TMEM232: variants seen among roughly 807,000 people sequenced by gnomAD.
TMEM232 encodes the protein transmembrane protein 232.
TMEM232 carries 80 observed loss-of-function variants against 78.8 expected under a neutral mutation model. The observed-to-expected ratio is 1.01, with a 90% CI of 0.85 to 1.22. The LOEUF (loss-of-function observed/expected upper bound fraction) is 1.22. Among genes scored for constraint, TMEM232 ranks in the 50% most tolerant of loss-of-function variants. The probability of loss-of-function intolerance (pLI) is 0.00; values close to 1 mark genes in which losing one functional copy is unlikely to be tolerated. For synonymous variants in TMEM232, 297 were observed against 254.3 expected (o/e 1.17, Z -1.60); for missense variants, 881 against 742.2 (o/e 1.19, Z -2.17).
chr5:110,664,971 T>C (rs1790368754), intron 2 of TMEM232, among the ~76,000 whole-genome samples: 1 of 152,218 alleles, frequency 6.6e-6, no homozygotes, highest in Non-Finnish European at 1.5e-5. Flanking sequence ...TATATGTTAC[T>C]ATCTGGTTTG....
intron 5 of TMEM232, among the ~76,000 whole-genome samples, chr5:110,628,186 A>G (rs1316048946): frequency 1.3e-5 from 2 of 152,118 alleles, no homozygotes; most frequent in African/African-American, 4.8e-5. Flanking sequence ...TAAGTGAGTC[A>G]TGAAATCAAT....
chr5:110,542,348 C>T (rs1213140999), intron 11 of TMEM232, among the ~76,000 whole-genome samples: 1 of 152,060 alleles, frequency 6.6e-6, no homozygotes, highest in Non-Finnish European at 1.5e-5. Context: ...ACAAACATTC[C>T]TTACAGCATA....
chr5:110,682,895 T>C (rs1167917710), intron 1 of TMEM232, among the ~76,000 whole-genome samples: 1 of 152,104 alleles, frequency 6.6e-6, no homozygotes, highest in Non-Finnish European at 1.5e-5. Flanking sequence ...ACATTTGGCT[T>C]TTCTCCCTCT....
chr5:110,414,580 T>C (rs1756118262), downstream of TMEM232, among the ~76,000 whole-genome samples: 1 of 152,202 alleles, frequency 6.6e-6, no homozygotes, highest in Non-Finnish European at 1.5e-5. Flanking sequence ...CTCATGAGGC[T>C]CCCTCTGCTG....
intron 12 of TMEM232, among the ~76,000 whole-genome samples, chr5:110,436,314 TTTC>T (rs1404214840): frequency 6.6e-6 from 1 of 152,088 alleles, no homozygotes; most frequent in Non-Finnish European, 1.5e-5. Context: ...TATTGGAATT[TTTC>T]TATAGAGTTG....
At chr5:110,677,388 G>C (rs1792160702) in intron 1 of TMEM232, among the ~76,000 whole-genome samples, 1 of 152,008 alleles carries the variant, frequency 6.6e-6, no homozygotes, top group African/African-American at 2.4e-5. Flanking sequence ...AGCTGAATCT[G>C]CCTGGATTTG....
intron 12 of TMEM232, among the ~76,000 whole-genome samples, chr5:110,521,768 C>A (rs1769551691): frequency 6.6e-6 from 1 of 152,074 alleles, no homozygotes; most frequent in African/African-American, 2.4e-5. Context: ...CCATTTATTT[C>A]TGGTCATGAA....
At chr5:110,721,877 C>T (rs916117957) in intron 1 of TMEM232, among the ~76,000 whole-genome samples, 2 of 151,428 alleles carry the variant, frequency 1.3e-5, no homozygotes, top group Non-Finnish European at 2.9e-5. Context: ...TTAGAAGAAG[C>T]AGCTATGGGA....
chr5:110,631,759 C>T (rs1214394554), intron 5 of TMEM232, among the ~76,000 whole-genome samples: 1 of 152,120 alleles, frequency 6.6e-6, no homozygotes, highest in African/African-American at 2.4e-5. Context: ...TAGGTGAAGA[C>T]TGCATTGTAG....
chr5:110,528,722 AAG>A lies in TMEM232; in HGVS notation c.1567_1568del (p.Leu523PhefsTer9). 1 of 1,534,926 alleles carries A rather than the reference AAG, an allele frequency of 6.5e-7. No individual in the cohort carries two copies. On this transcript the variant is annotated frameshift_variant, in exon 12 of 14. Coordinates refer to ENST00000455884, the MANE Select transcript of TMEM232 (RefSeq NM_001039763.4). LOFTEE classifies it high-confidence loss of function. ...CAATGGGGGGAAAGAATAGTTTGGA[AAG>A]AGTGTTGGCAATTCTCCACCCAATA... ...KYIGWRIANT[L>X]SKLFFPPIEA... is the part of the protein sequence containing the mutation.
intron 1 of TMEM232, among the ~76,000 whole-genome samples, chr5:110,703,580 T>C (rs1795642499): frequency 6.6e-6 from 1 of 152,090 alleles, no homozygotes; most frequent in African/African-American, 2.4e-5. Context: ...ACCAAGGTTA[T>C]AAATACGTAT....
intron 5 of TMEM232, among the ~76,000 whole-genome samples, chr5:110,633,484 GT>G (rs1318548701): frequency 6.6e-6 from 1 of 152,132 alleles, no homozygotes. Flanking sequence ...TAATCTCTAT[GT>G]GTCAAGGAAG....
rs569797681 is a variant in TMEM232 at position 110,694,638 on chromosome 5, A to T, written c.-12-27274T>A. 1.4e-4 allele frequency among the ~76,000 whole-genome samples: 22 copies of T among 152,246 alleles called. No individual in the cohort carries two copies. The South Asian group carries it at 3.7e-3, about 26-fold the overall frequency. On this transcript the variant is annotated intron_variant, in intron 1 of 13. Coordinates refer to ENST00000455884, the MANE Select transcript of TMEM232 (RefSeq NM_001039763.4). ...TACCAAGCAAATGGAAAACAAAAAAAGGCAGGGGTTGCAATCCTAGTCGCT... is the reference window on the plus strand; with the variant it reads ...TACCAAGCAAATGGAAAACAAAAAATGGCAGGGGTTGCAATCCTAGTCGCT...
At chr5:110,704,755 C>T (rs1324241638) in intron 1 of TMEM232, among the ~76,000 whole-genome samples, 1 of 152,026 alleles carries the variant, frequency 6.6e-6, no homozygotes, top group Admixed American at 6.6e-5. Flanking sequence ...GGAAACACAT[C>T]CAGGAAGTTC....
At chr5:110,559,766 C>G (rs956598383) in intron 11 of TMEM232, among the ~76,000 whole-genome samples, 5 of 152,126 alleles carry the variant, frequency 3.3e-5, no homozygotes, top group Non-Finnish European at 5.9e-5. Flanking sequence ...TTTATCATGT[C>G]ACAGTTCTGA....
At chr5:110,551,797 C>A (rs1347590076) in intron 11 of TMEM232, among the ~76,000 whole-genome samples, 1 of 152,098 alleles carries the variant, frequency 6.6e-6, no homozygotes, top group Non-Finnish European at 1.5e-5. Context: ...ATTGGGCTGA[C>A]AATTGATTTC....
intron 8 of TMEM232, among the ~76,000 whole-genome samples, chr5:110,616,061 C>T (rs1335361640): frequency 6.6e-6 from 1 of 151,654 alleles, no homozygotes; most frequent in Non-Finnish European, 1.5e-5. Flanking sequence ...TTCACAAAAA[C>T]AGACAAAAAA....
chr5:110,696,499 A>C (rs959446384), intron 1 of TMEM232, among the ~76,000 whole-genome samples: 1 of 152,068 alleles, frequency 6.6e-6, no homozygotes, highest in African/African-American at 2.4e-5. Context: ...ATTAGGAAAA[A>C]AGGAAGTCAA....
intron 2 of TMEM232, among the ~76,000 whole-genome samples, chr5:110,734,288 G>A (rs553150136): frequency 6.6e-6 from 1 of 152,174 alleles, no homozygotes; most frequent in Admixed American, 6.6e-5. Flanking sequence ...TCCTTCTGGA[G>A]CCCAGAGTGA....
Sources: allele counts gnomAD v4.1 joint callset (sites outside exome capture counted in the v4.1 genomes callset), GRCh38; gene constraint gnomAD v4.1.1; transcripts MANE v1.5; gene names NCBI Gene and HGNC (gene_info 2026-07-23, HGNC 2026-07-21).